The following SYNDIG1 variants were observed in gnomAD, a reference collection of about 807,000 sequenced individuals.
SYNDIG1 encodes the protein synapse differentiation inducing 1.
In SYNDIG1, 9 loss-of-function variants were observed where a neutral mutation model predicts 19.4. The observed-to-expected ratio is 0.46, with a 90% CI of 0.28 to 0.81. The LOEUF (loss-of-function observed/expected upper bound fraction) is 0.81. SYNDIG1 is among the 30% of genes least tolerant of loss of function. The pLI is 0.12. For synonymous variants in SYNDIG1, 141 were observed against 145.9 expected, an observed-to-expected ratio of 0.97 and a Z score of 0.24; for missense variants, 311 against 343.3, an observed-to-expected ratio of 0.91 and a Z score of 0.74.
At position 24,487,076 on chromosome 20, in the gene SYNDIG1, TG is replaced by T. The variant is rs572287131; in HGVS notation, c.-79+17329del. 3.6e-3 allele frequency among the ~76,000 whole-genome samples: 474 copies of T among 133,148 alleles called. 4 individuals are homozygous for T. The highest frequency in any genetic ancestry group is 0.013 in the African/African-American group (455 of 35,434). The allele number at this position is 133,148 out of a possible 152,430, so 87.4% of individuals were successfully genotyped here. On this transcript the variant is annotated intron_variant, in intron 1 of 3. Coordinates refer to ENST00000376862, the MANE Select transcript of SYNDIG1 (RefSeq NM_024893.3). Reference sequence around the variant, plus strand: ...GGGGAGAGGGTCGGTGGATGTGGGGTGGGGGGTATTTGGGAGTAGTTGTCCC... The same window carrying T: ...GGGGAGAGGGTCGGTGGATGTGGGGTGGGGGTATTTGGGAGTAGTTGTCCC...
chr20:24,661,591 A>AGGAAGGAGGGAGGGAGG (rs2059603947), intron 3 of SYNDIG1, among the ~76,000 whole-genome samples: 1 of 100,742 alleles, frequency 9.9e-6, no homozygotes, highest in East Asian at 3.4e-4. Flanking sequence ...GGGAGATGGG[A>AGGAAGGAGGGAGGGAGG]ATAAAAAGTA....
chr20:24,609,442 G>A (rs1045735729), intron 3 of SYNDIG1, among the ~76,000 whole-genome samples: 2 of 152,144 alleles, frequency 1.3e-5, no homozygotes, highest in Non-Finnish European at 2.9e-5. Flanking sequence ...CACAGTTGCA[G>A]CATTCACTTG....
chr20:24,592,622 T>G (rs1399155242), intron 3 of SYNDIG1, among the ~76,000 whole-genome samples: 3 of 152,200 alleles, frequency 2.0e-5, no homozygotes, highest in African/African-American at 7.2e-5. Flanking sequence ...AAATTAATTA[T>G]TTAATTTTTG....
rs571131589 is a variant in SYNDIG1 at position 24,626,947 on chromosome 20, G to A, written c.619-38399G>A. On this transcript the variant is annotated intron_variant, in intron 3 of 3. Transcript: ENST00000376862. ...GAAAACCAGTCAGGCGTGGCGGCGC[G>A]CGCCTGCAATCGCAGGCACTCGGCA... Among the ~76,000 whole-genome samples, 12 of 152,258 alleles carry A rather than the reference G, an allele frequency of 7.9e-5. No homozygotes were observed. The East Asian group carries it at 1.4e-3, about 17-fold the overall frequency.
chr20:24,482,497 C>A (rs1042517363), intron 1 of SYNDIG1, among the ~76,000 whole-genome samples: 3 of 152,226 alleles, frequency 2.0e-5, no homozygotes, highest in African/African-American at 7.2e-5. Flanking sequence ...TTTGGGATCA[C>A]TGGGGAGGTT....
In SYNDIG1 at chr20:24,594,525, T is replaced by C. The variant is rs534604872; in HGVS notation, c.618+9532T>C. On this transcript the variant is annotated intron_variant, in intron 3 of 3. Coordinates refer to ENST00000376862, the MANE Select transcript of SYNDIG1 (RefSeq NM_024893.3). ...CTATTTGAGCTCTTTTGTGGTTCCA[T>C]GTGAGTTATAAAATAATTTGTTTTC... is the stretch of plus-strand genomic sequence containing the variant. Among the ~76,000 whole-genome samples, 3 of 152,304 alleles carry C rather than the reference T, an allele frequency of 2.0e-5. No individual in the cohort carries two copies. In the East Asian group the frequency reaches 5.8e-4, roughly 29 times the overall value.
intron 3 of SYNDIG1, among the ~76,000 whole-genome samples, chr20:24,647,751 AT>A (rs563708285): frequency 2.0e-5 from 3 of 149,950 alleles, no homozygotes; most frequent in African/African-American, 7.4e-5. Context: ...AAATGGGTGG[AT>A]TTTTTTTCCA....
intron 1 of SYNDIG1, among the ~76,000 whole-genome samples, chr20:24,519,028 A>G (rs1322479187): frequency 6.6e-6 from 1 of 152,204 alleles, no homozygotes; most frequent in Non-Finnish European, 1.5e-5. Context: ...TCAAGAGCAA[A>G]TGGCCCCAGG....
At chr20:24,640,471 AAAG>A (rs1283594460) in intron 3 of SYNDIG1, among the ~76,000 whole-genome samples, 4 of 118,496 alleles carry the variant, frequency 3.4e-5, no homozygotes, top group African/African-American at 1.3e-4. Flanking sequence ...GGAGGGAGGG[AAAG>A]AAGGAAGGAA....
chr20:24,483,229 C>T (rs1284191298), intron 1 of SYNDIG1, among the ~76,000 whole-genome samples: 1 of 152,112 alleles, frequency 6.6e-6, no homozygotes, highest in Non-Finnish European at 1.5e-5. Flanking sequence ...AAGCCGTGGG[C>T]ACTCACACGC....
chr20:24,587,167 T>A (rs1255255151), intron 3 of SYNDIG1, among the ~76,000 whole-genome samples: 3 of 152,086 alleles, frequency 2.0e-5, no homozygotes, highest in Non-Finnish European at 4.4e-5. Context: ...GTGGAAACAT[T>A]TTCGGGGGTG....
At chr20:24,532,263 A>C (rs1187236144) in intron 1 of SYNDIG1, among the ~76,000 whole-genome samples, 1 of 152,260 alleles carries the variant, frequency 6.6e-6, no homozygotes, top group African/African-American at 2.4e-5. Flanking sequence ...AGCACAGTGA[A>C]GGTAAACACA....
intron 1 of SYNDIG1, among the ~76,000 whole-genome samples, chr20:24,506,805 G>A (rs1274572647): frequency 1.3e-5 from 2 of 152,184 alleles, no homozygotes; most frequent in East Asian, 3.9e-4. Flanking sequence ...GGTTCCCAAA[G>A]CCAGGCATAC....
At chr20:24,503,599 C>T (rs1166770448) in intron 1 of SYNDIG1, among the ~76,000 whole-genome samples, 1 of 151,330 alleles carries the variant, frequency 6.6e-6, no homozygotes. Context: ...GCCTCCCCAG[C>T]CCCCCAGCGC....
chr20:24,472,782 C>T (rs1308797807), intron 1 of SYNDIG1, among the ~76,000 whole-genome samples: 1 of 152,214 alleles, frequency 6.6e-6, no homozygotes, highest in Non-Finnish European at 1.5e-5. Flanking sequence ...ATTCTGCACA[C>T]CTCTGTGCTT....
intron 3 of SYNDIG1, among the ~76,000 whole-genome samples, chr20:24,630,214 G>A (rs1178580513): frequency 4.6e-5 from 7 of 151,816 alleles, no homozygotes; most frequent in African/African-American, 9.7e-5. Context: ...AGTACAAAAC[G>A]AAAACCTAAC....
intron 3 of SYNDIG1, among the ~76,000 whole-genome samples, chr20:24,610,528 A>G (rs545134119): frequency 6.6e-6 from 1 of 152,346 alleles, no homozygotes; most frequent in South Asian, 2.1e-4. Context: ...CCTGAGTCAC[A>G]CACACCACAC....
chr20:24,478,205 G>C (rs957646479), intron 1 of SYNDIG1, among the ~76,000 whole-genome samples: 4 of 152,262 alleles, frequency 2.6e-5, no homozygotes, highest in Non-Finnish European at 4.4e-5. Flanking sequence ...ATGTTGTCAT[G>C]AAGGAGATTC....
At chr20:24,635,735 C>T (rs1600806707) in intron 3 of SYNDIG1, among the ~76,000 whole-genome samples, 1 of 152,234 alleles carries the variant, frequency 6.6e-6, no homozygotes, top group East Asian at 1.9e-4. Context: ...CCCTTTTCTC[C>T]CCTTCTGTGT....
Sources: gnomAD v4.1 joint callset for allele counts (sites outside exome capture counted in the v4.1 genomes callset) on GRCh38, gnomAD v4.1.1 for gene constraint, MANE v1.5 for transcripts, NCBI Gene and HGNC (gene_info 2026-07-23, HGNC 2026-07-21) for gene names.